RALA: variants seen among roughly 807,000 people sequenced by gnomAD.
RALA encodes RAS like proto-oncogene A.
A neutral mutation model predicts 24.0 loss-of-function variants in RALA; 5 were observed. The ratio of observed to expected loss-of-function variants is 0.21; its 90% CI spans 0.11 to 0.44. The LOEUF (loss-of-function observed/expected upper bound fraction) is 0.44. RALA is among the 20% of genes least tolerant of loss of function. The pLI, the probability that RALA is intolerant of heterozygous loss-of-function variation, is 0.99. For missense variants in RALA, 95 were observed against 241.2 expected, an observed-to-expected ratio of 0.39 and a Z score of 4.01; for synonymous variants, 77 against 83.8, an observed-to-expected ratio of 0.92 and a Z score of 0.44.
chr7:39,629,132 T>A (rs1168988643), intron 1 of RALA, among the ~76,000 whole-genome samples: 1 of 152,216 alleles, frequency 6.6e-6, no homozygotes, highest in African/African-American at 2.4e-5. Flanking sequence ...GATAAATGCA[T>A]ATGTAGAGTT....
At chr7:39,693,139 C>G (rs1268121919) in intron 3 of RALA, among the ~76,000 whole-genome samples, 2 of 152,124 alleles carry the variant, frequency 1.3e-5, no homozygotes, top group Non-Finnish European at 2.9e-5. Flanking sequence ...TGCGGCACTA[C>G]TCACAATAGT....
chr7:39,679,639 T>C (rs1294439554), intron 1 of RALA, among the ~76,000 whole-genome samples: 3 of 152,296 alleles, frequency 2.0e-5, no homozygotes, highest in East Asian at 1.9e-4. Flanking sequence ...AGAGAAATCA[T>C]CTCTTATCTG....
intron 1 of RALA, among the ~76,000 whole-genome samples, chr7:39,633,488 G>A (rs1362137325): frequency 2.0e-5 from 3 of 152,186 alleles, no homozygotes; most frequent in South Asian, 2.1e-4. Context: ...ATCAGATCTC[G>A]TGAGAACTCA....
chr7:39,628,207 T>C (rs1791527775), intron 1 of RALA, among the ~76,000 whole-genome samples: 1 of 152,116 alleles, frequency 6.6e-6, no homozygotes, highest in Non-Finnish European at 1.5e-5. Flanking sequence ...GTTCTCTCTC[T>C]GGATCCCATC....
chr7:39,701,893 C>A (rs1713428660), intron 4 of RALA, among the ~76,000 whole-genome samples: 1 of 152,232 alleles, frequency 6.6e-6, no homozygotes, highest in South Asian at 2.1e-4. Context: ...TCATTGGATT[C>A]ATTCAGTGAC....
intron 3 of RALA, among the ~76,000 whole-genome samples, chr7:39,694,838 T>C (rs1255962069): frequency 6.6e-6 from 1 of 151,110 alleles, no homozygotes; most frequent in African/African-American, 2.4e-5. Context: ...AGTTCAGGAG[T>C]TCAAGACCAG....
At chr7:39,693,945 A>G (rs1211308143) in intron 3 of RALA, among the ~76,000 whole-genome samples, 1 of 152,220 alleles carries the variant, frequency 6.6e-6, no homozygotes, top group East Asian at 1.9e-4. Flanking sequence ...AGGTCCAAAG[A>G]ACTTCCTATG....
At chr7:39,638,221 C>G (rs969716918) in intron 1 of RALA, among the ~76,000 whole-genome samples, 1 of 152,140 alleles carries the variant, frequency 6.6e-6, no homozygotes, top group Non-Finnish European at 1.5e-5. Flanking sequence ...GCTTAAGCCT[C>G]CTGAGTAGCT....
At chr7:39,680,703 C>T (rs1039349417) in intron 1 of RALA, among the ~76,000 whole-genome samples, 2 of 151,968 alleles carry the variant, frequency 1.3e-5, no homozygotes, top group African/African-American at 4.8e-5. Flanking sequence ...GAGAATAGAT[C>T]CAACTTTTAT....
At chr7:39,678,953 T>A (rs1373851292) in intron 1 of RALA, among the ~76,000 whole-genome samples, 1 of 152,194 alleles carries the variant, frequency 6.6e-6, no homozygotes, top group Non-Finnish European at 1.5e-5. Context: ...CAGACAACCT[T>A]GTGTTACCAT....
At chr7:39,668,411 A>C (rs1212000328) in intron 1 of RALA, among the ~76,000 whole-genome samples, 1 of 152,170 alleles carries the variant, frequency 6.6e-6, no homozygotes, top group East Asian at 1.9e-4. Flanking sequence ...AACAGCTCTA[A>C]TGTCTTATAT....
intron 1 of RALA, among the ~76,000 whole-genome samples, chr7:39,631,297 G>T (rs1791594798): frequency 6.6e-6 from 1 of 152,094 alleles, no homozygotes; most frequent in Non-Finnish European, 1.5e-5. Context: ...CGTGAGCCAT[G>T]GTGCCCGGCC....
chr7:39,664,302 G>C (rs1583727667), intron 1 of RALA, among the ~76,000 whole-genome samples: 1 of 152,162 alleles, frequency 6.6e-6, no homozygotes, highest in Non-Finnish European at 1.5e-5. Context: ...TCTTTAGGTT[G>C]TTGTACAACA....
chr7:39,646,539 A>G (rs2115956901), intron 1 of RALA, among the ~76,000 whole-genome samples: 1 of 152,178 alleles, frequency 6.6e-6, no homozygotes, highest in Non-Finnish European at 1.5e-5. Flanking sequence ...CAGGAGGATC[A>G]CTTCACTTGA....
At chr7:39,699,039 G>C (rs1485617826) in intron 4 of RALA, among the ~76,000 whole-genome samples, 3 of 150,770 alleles carry the variant, frequency 2.0e-5, no homozygotes, top group Non-Finnish European at 4.4e-5. Context: ...AGAAAAACAG[G>C]AACCTCTCAT....
At chr7:39,649,437 T>A (rs1791983172) in intron 1 of RALA, among the ~76,000 whole-genome samples, 1 of 152,228 alleles carries the variant, frequency 6.6e-6, no homozygotes, top group South Asian at 2.1e-4. Context: ...AGGAGGTGAT[T>A]AGTTCACGAG....
chr7:39,643,065 C>T (rs1356538356), intron 1 of RALA, among the ~76,000 whole-genome samples: 1 of 152,188 alleles, frequency 6.6e-6, no homozygotes, highest in Non-Finnish European at 1.5e-5. Flanking sequence ...CTTCTGTTCC[C>T]ATGCCCTGAC....
chr7:39,669,938 T>C (rs920941903), intron 1 of RALA, among the ~76,000 whole-genome samples: 1 of 152,140 alleles, frequency 6.6e-6, no homozygotes, highest in African/African-American at 2.4e-5. Flanking sequence ...GCATGGTTAA[T>C]TCAGTTATTT....
chr7:39,651,384 G>A (rs552440837), intron 1 of RALA, among the ~76,000 whole-genome samples: 67 of 152,342 alleles, frequency 4.4e-4, no homozygotes, highest in Non-Finnish European at 7.3e-4. Flanking sequence ...ACATAAGGGC[G>A]TGAATACTAG....
Sources: allele counts gnomAD v4.1 joint callset (sites outside exome capture counted in the v4.1 genomes callset), GRCh38; gene constraint gnomAD v4.1.1; transcripts MANE v1.5; gene names NCBI Gene and HGNC (gene_info 2026-07-23, HGNC 2026-07-21).